The following ARHGAP26 variants were observed in gnomAD, a reference collection of about 807,000 sequenced individuals.
ARHGAP26 encodes the protein rho GTPase-activating protein 26.
ARHGAP26 carries 38 observed loss-of-function variants against 104.8 expected under a neutral mutation model. The ratio of observed to expected loss-of-function variants is 0.36; its 90% confidence interval spans 0.28 to 0.48. ARHGAP26 has a LOEUF of 0.48. ARHGAP26 is among the 20% of genes least tolerant of loss of function. The probability of loss-of-function intolerance (pLI) is 0.99; values close to 1 mark genes in which losing one functional copy is unlikely to be tolerated. For synonymous variants in ARHGAP26, 341 were observed against 340.0 expected (o/e 1.00, Z -0.03); for missense variants, 704 against 947.9 (o/e 0.74, Z 3.38).
At chr5:143,199,743 G>C (rs1036100721) in intron 20 of ARHGAP26, among the ~76,000 whole-genome samples, 4 of 152,208 alleles carry the variant, frequency 2.6e-5, no homozygotes, top group Admixed American at 1.3e-4. Context: ...ATGGGCCACT[G>C]CCTGGCAGAG....
intron 17 of ARHGAP26, among the ~76,000 whole-genome samples, chr5:143,076,270 C>T (rs747087365): frequency 6.7e-6 from 1 of 150,210 alleles, no homozygotes; most frequent in Non-Finnish European, 1.5e-5. Context: ...AATGCTGGGA[C>T]TACAAGAATG....
At chr5:142,821,541 C>T (rs1234813963) in intron 1 of ARHGAP26, among the ~76,000 whole-genome samples, 6 of 151,994 alleles carry the variant, frequency 3.9e-5, no homozygotes, top group African/African-American at 1.2e-4. Context: ...TATTGCTGGG[C>T]CATGGCTGGG....
intron 11 of ARHGAP26, among the ~76,000 whole-genome samples, chr5:142,975,174 A>G (rs74618937): frequency 0.012 from 1,891 of 152,324 alleles, 26 homozygotes; most frequent in African/African-American, 0.031. Flanking sequence ...GAGATGTAGC[A>G]TCTGCTTCCC....
intron 17 of ARHGAP26, among the ~76,000 whole-genome samples, chr5:143,085,418 G>A (rs998220131): frequency 6.6e-6 from 1 of 152,100 alleles, no homozygotes; most frequent in African/African-American, 2.4e-5. Flanking sequence ...GAAAAAAGAG[G>A]GGGACAAGAG....
At chr5:143,089,460 G>A (rs779164592) in intron 17 of ARHGAP26, among the ~76,000 whole-genome samples, 29 of 152,244 alleles carry the variant, frequency 1.9e-4, no homozygotes, top group Non-Finnish European at 2.2e-4. Flanking sequence ...GGACAGAGCA[G>A]TCAGACCTTG....
intron 17 of ARHGAP26, among the ~76,000 whole-genome samples, chr5:143,112,895 A>G (rs1039090904): frequency 7.2e-5 from 11 of 152,366 alleles, no homozygotes; most frequent in African/African-American, 2.6e-4. Context: ...CATTTTAACT[A>G]TTGTGAATAA....
intron 17 of ARHGAP26, among the ~76,000 whole-genome samples, chr5:143,099,136 G>A (rs1035548415): frequency 2.6e-5 from 4 of 152,128 alleles, no homozygotes; most frequent in East Asian, 1.9e-4. Context: ...ATCTCTACCA[G>A]ACAAAAATAA....
At chr5:142,958,615 T>C (rs1769641986) in intron 11 of ARHGAP26, among the ~76,000 whole-genome samples, 1 of 152,208 alleles carries the variant, frequency 6.6e-6, no homozygotes, top group Non-Finnish European at 1.5e-5. Context: ...TACAGTGAAC[T>C]GTGATCGCAC....
chr5:143,095,360 T>C (rs1792143294), intron 17 of ARHGAP26, among the ~76,000 whole-genome samples: 1 of 152,162 alleles, frequency 6.6e-6, no homozygotes, highest in African/African-American at 2.4e-5. Context: ...AGATACTATA[T>C]TCTTAACTCA....
At chr5:143,085,046 A>G (rs1790364135) in intron 17 of ARHGAP26, among the ~76,000 whole-genome samples, 1 of 123,926 alleles carries the variant, frequency 8.1e-6, no homozygotes, top group Middle Eastern at 3.6e-3. Context: ...CTCCATCTCA[A>G]AAAAAAAAAA....
At chr5:142,963,908 G>C (rs1446687614) in intron 11 of ARHGAP26, among the ~76,000 whole-genome samples, 1 of 152,254 alleles carries the variant, frequency 6.6e-6, no homozygotes. Context: ...AAACTGAAAG[G>C]TGAAGTGTTC....
At chr5:143,211,312 ATATT>A (rs1333105606) in intron 21 of ARHGAP26, among the ~76,000 whole-genome samples, 14 of 152,200 alleles carry the variant, frequency 9.2e-5, no homozygotes, top group Admixed American at 1.3e-4. Context: ...TACTAAAGAA[ATATT>A]TATTGTTTAT....
At chr5:142,914,795 A>C (rs547207509) in intron 10 of ARHGAP26, among the ~76,000 whole-genome samples, 1 of 152,218 alleles carries the variant, frequency 6.6e-6, no homozygotes, top group African/African-American at 2.4e-5. Context: ...AACAAAACCT[A>C]AACCTTGGTG....
intron 1 of ARHGAP26, among the ~76,000 whole-genome samples, chr5:142,808,245 A>AGG (rs1763389294): frequency 9.4e-6 from 1 of 106,236 alleles, no homozygotes; most frequent in Non-Finnish European, 1.8e-5. Flanking sequence ...GGAAAAAAAA[A>AGG]AAAAAAAAAA....
chr5:143,126,703 C>T (rs980120716), intron 18 of ARHGAP26, among the ~76,000 whole-genome samples: 32 of 152,122 alleles, frequency 2.1e-4, no homozygotes, highest in African/African-American at 7.2e-4. Context: ...GACTCCTTAC[C>T]GTGGACTCTC....
rs377509479 is a variant in ARHGAP26 at position 143,057,623 on chromosome 5, C to G, written c.1433-19C>G. On this transcript the variant is annotated intron_variant, in intron 16 of 22. Transcript: ENST00000645722. ...AGCTGTGACACTGATAAGATATTAC[C>G]TCCCTCCTTCCTTTGCAGAACTGGA... 11 of 1,603,474 alleles carry G rather than the reference C, an allele frequency of 6.9e-6. No homozygotes were observed. Among genetic ancestry groups the G allele is most frequent in the Non-Finnish European group, 9.4e-6 (11 of 1,171,512 alleles).
intron 20 of ARHGAP26, among the ~76,000 whole-genome samples, chr5:143,204,694 A>C (rs1031394802): frequency 6.6e-6 from 1 of 152,178 alleles, no homozygotes; most frequent in African/African-American, 2.4e-5. Context: ...AAACATTTAG[A>C]ACCCACATTG....
chr5:142,901,341 A>G (rs1317270543), intron 6 of ARHGAP26, among the ~76,000 whole-genome samples: 2 of 152,206 alleles, frequency 1.3e-5, no homozygotes, highest in East Asian at 3.8e-4. Context: ...GGGAATATGG[A>G]AATATTTTAA....
At chr5:142,773,386 A>G (rs1320051365) in intron 1 of ARHGAP26, among the ~76,000 whole-genome samples, 1 of 152,120 alleles carries the variant, frequency 6.6e-6, no homozygotes, top group African/African-American at 2.4e-5. Context: ...TAGTATTTCT[A>G]GCTCTTTGGA....
Sources: allele counts gnomAD v4.1 joint callset (sites outside exome capture counted in the v4.1 genomes callset), GRCh38; gene constraint gnomAD v4.1.1; transcripts MANE v1.5; gene names NCBI Gene and HGNC (gene_info 2026-07-23, HGNC 2026-07-21).